CSF2RA: variants seen among roughly 807,000 people sequenced by gnomAD.
CSF2RA encodes the protein colony stimulating factor 2 receptor subunit alpha.
CSF2RA carries 42 observed loss-of-function variants against 51.6 expected under a neutral mutation model. The ratio of observed to expected loss-of-function variants is 0.81; its 90% CI spans 0.64 to 1.05. The LOEUF is 1.05. CSF2RA is among the 50% of genes least tolerant of loss of function. The pLI, the probability that CSF2RA is intolerant of heterozygous loss-of-function variation, is 0.00. For missense variants in CSF2RA, 530 were observed against 501.1 expected (o/e 1.06, Z -0.55); for synonymous variants, 222 against 193.0 (o/e 1.15, Z -1.24).
the CSF2RA span, among the ~76,000 whole-genome samples, chrX:1,319,037 C>G: frequency 1.5e-4 from 21 of 137,308 alleles, no homozygotes; most frequent in South Asian, 4.7e-3. Context: ...GGTCTGTCAC[C>G]CAGGCTGGAG....
chrX:1,317,040 G>T, the CSF2RA span, among the ~76,000 whole-genome samples: 2 of 151,756 alleles, frequency 1.3e-5, no homozygotes, highest in Non-Finnish European at 2.9e-5. Context: ...TCCGCTTCCC[G>T]GGTTCACGCC....
At chrX:1,293,084 A>C (rs2091553537) in intron 7 of CSF2RA, among the ~76,000 whole-genome samples, 1 of 152,226 alleles carries the variant, frequency 6.6e-6, no homozygotes, top group African/African-American at 2.4e-5. Flanking sequence ...TTCTGTGAGC[A>C]CAGTGTTGGG....
Position 1,300,512 on chromosome X carries a change from G to C in CSF2RA, c.832G>C (p.Glu278Gln). 6.2e-7 allele frequency: 1 copy of C among 1,613,882 alleles called. No homozygotes were observed. The highest frequency in any genetic ancestry group is 1.1e-5 in the South Asian group (1 of 91,072). The part of the protein sequence containing the change: ...NLLINVSGDL[E>Q]NRYNFPSSEP... Reference sequence around the variant, plus strand: ...AAAGATTAATGTTTCTGGTGATTTGGAAAATAGATACAACTTTCCAAGCTC... The same window carrying C: ...AAAGATTAATGTTTCTGGTGATTTGCAAAATAGATACAACTTTCCAAGCTC... The change falls in exon 10 of 13, where the codon GAA (glutamate) becomes CAA (glutamine). Residue 278 changes from glutamate to glutamine, a missense_variant. Glu to Gln is a conservative substitution (Grantham distance 29, BLOSUM62 2). Transcript: ENST00000381529.
chrX:1,287,528 G>C (rs1247265382), intron 4 of CSF2RA, among the ~76,000 whole-genome samples: 33 of 144,694 alleles, frequency 2.3e-4, no homozygotes, highest in Admixed American at 5.6e-4. Flanking sequence ...CCTGCAACCT[G>C]TGCCTCCTGG....
chrX:1,301,454 C>T (rs1218502259), intron 10 of CSF2RA, among the ~76,000 whole-genome samples: 1 of 151,600 alleles, frequency 6.6e-6, no homozygotes, highest in Non-Finnish European at 1.5e-5. Flanking sequence ...CCCTTAATAG[C>T]CAGAGAAGGA....
At chrX:1,314,051 A>T (rs2084301274), downstream of CSF2RA, among the ~76,000 whole-genome samples, 1 of 152,012 alleles carries the variant, frequency 6.6e-6, no homozygotes, top group African/African-American at 2.4e-5. Context: ...AAAATAAAAA[A>T]CAGCCAGCAG....
At chrX:1,318,495 G>A in the CSF2RA span, among the ~76,000 whole-genome samples, 2 of 151,868 alleles carry the variant, frequency 1.3e-5, no homozygotes, top group African/African-American at 4.8e-5. Context: ...TGGCCAAAGG[G>A]TGGTTGCACC....
At chrX:1,274,676 C>G (rs1361749571) in intron 1 of CSF2RA, 79 bp from the exon 2 acceptor site, 2 of 447,922 alleles carry the variant, frequency 4.5e-6, no homozygotes, top group Non-Finnish European at 4.4e-6. Context: ...GAATAAAATG[C>G]GAGGCAGGTT....
At chrX:1,270,085 G>A (rs1168737084) in intron 1 of CSF2RA, among the ~76,000 whole-genome samples, 2 of 151,890 alleles carry the variant, frequency 1.3e-5, no homozygotes, top group Non-Finnish European at 2.9e-5. Flanking sequence ...CTCCAGCCTG[G>A]GCAACAAGAG....
chrX:1,284,612 TTAAA>T (rs2090425321), intron 3 of CSF2RA, among the ~76,000 whole-genome samples: 1 of 53,114 alleles, frequency 1.9e-5, no homozygotes, highest in African/African-American at 6.9e-5. Flanking sequence ...TTTTTTTTTT[TTAAA>T]TTTTATAGAC....
Position 1,306,278 on chromosome X carries a change from G to C in CSF2RA, c.1125+751G>C, listed in dbSNP as rs183749653. 8.1e-4 allele frequency among the ~76,000 whole-genome samples: 123 copies of C among 151,572 alleles called. 1 individual carries two copies. The East Asian group carries it at 0.023, about 28-fold the overall frequency. ...AGACAGAGAAACAGAGAGAGGGAGG[G>C]AGAAAAGGGAGAAGGAAAGAGAGAG... On this transcript the variant is annotated intron_variant, in intron 12 of 12. Coordinates refer to ENST00000381529, the MANE Select transcript of CSF2RA (RefSeq NM_172245.4).
chrX:1,310,684 A>T (rs2084136186), downstream of CSF2RA, among the ~76,000 whole-genome samples: 1 of 140,796 alleles, frequency 7.1e-6, no homozygotes, highest in Non-Finnish European at 1.5e-5. Context: ...AAAAAAAAAA[A>T]ATTATTATTG....
chrX:1,303,930 C>T lies in CSF2RA; in HGVS notation c.954C>T (p.Asp318=), dbSNP rs759952133. 1.3e-5 allele frequency: 21 copies of T among 1,613,460 alleles called. No individual in the cohort carries two copies. Among genetic ancestry groups the T allele is most frequent in the Admixed American group, 1.0e-4 (6 of 59,968 alleles). ...SWSEAIEFGS[D]DGNLGSVYIY... ...ACCTGTGTGTCTCTCCAGGTTCTGACGACGGGAACCTCGGCTCTGTGTACA... is the reference window on the plus strand; with the variant it reads ...ACCTGTGTGTCTCTCCAGGTTCTGATGACGGGAACCTCGGCTCTGTGTACA... Residue 318 remains aspartate (D), a synonymous_variant, in exon 11 of 13, where the codon GAC becomes GAT. Coordinates refer to ENST00000381529, the MANE Select transcript of CSF2RA (RefSeq NM_172245.4).
intron 9 of CSF2RA, 128 bp from the exon 10 acceptor site, chrX:1,300,363 T>C: frequency 8.4e-7 from 1 of 1,186,072 alleles, no homozygotes; most frequent in Non-Finnish European, 1.2e-6. Flanking sequence ...TTCAGAGTGG[T>C]AGAAAAAAAA....
the CSF2RA span, among the ~76,000 whole-genome samples, chrX:1,322,302 C>G: frequency 5.4e-5 from 8 of 149,236 alleles, no homozygotes; most frequent in African/African-American, 2.0e-4. Context: ...TTAGTAGAGA[C>G]GGACTTTCAC....
intron 8 of CSF2RA, 47 bp downstream of exon 8, chrX:1,294,508 G>A: frequency 1.2e-6 from 2 of 1,612,168 alleles, no homozygotes; most frequent in South Asian, 1.1e-5. Context: ...GAGGCGTACG[G>A]GACACGCCCG....
At chrX:1,288,921 G>A (rs1449932331) in intron 6 of CSF2RA, 33 bp downstream of exon 6, 2 of 1,613,044 alleles carry the variant, frequency 1.2e-6, no homozygotes, top group South Asian at 1.1e-5. Flanking sequence ...GAATTATGAG[G>A]AATGCAGGGA....
chrX:1,275,355 C>T (rs2089043195), intron 2 of CSF2RA, among the ~76,000 whole-genome samples: 1 of 151,622 alleles, frequency 6.6e-6, no homozygotes, highest in Admixed American at 6.6e-5. Context: ...CGCGCCACTG[C>T]ACTCCAGCCT....
In CSF2RA at chrX:1,305,524, C is replaced by A. The variant is rs142692844; in HGVS notation, c.1122C>A (p.Asp374Glu). The stretch of plus-strand genomic sequence containing the variant: ...TGAATGATAACCATGAGGTGGAAGA[C>A]GAGGTAGGCAGGGGTGGGCGGAGCA... Reference protein sequence around the residue: ...DKLNDNHEVEDEIIWEEFTPE... With the variant: ...DKLNDNHEVEEEIIWEEFTPE... Residue 374 changes from aspartate (D) to glutamate (E), a missense_variant, in exon 12 of 13, where the codon GAC (aspartate) becomes GAA (glutamate). Physicochemically the swap from Asp to Glu is conservative, Grantham distance 45 (BLOSUM62 2). Coordinates refer to ENST00000381529, the MANE Select transcript of CSF2RA (RefSeq NM_172245.4). The A allele has an allele frequency of 6.2e-7, 1 of 1,613,810 alleles. No individual in the cohort carries two copies.
Sources: allele counts gnomAD v4.1 joint callset (sites outside exome capture counted in the v4.1 genomes callset), GRCh38; gene constraint gnomAD v4.1.1; transcripts MANE v1.5; gene names NCBI Gene and HGNC (gene_info 2026-07-23, HGNC 2026-07-21).